Variants in TSPEAR observed in about 807,000 individuals in gnomAD.
The protein encoded by TSPEAR is thrombospondin type laminin G domain and EAR repeats, also known as thrombospondin-type laminin G domain and EAR repeat-containing protein.
A neutral mutation model predicts 71.6 loss-of-function variants in TSPEAR; 69 were observed. The ratio of observed to expected loss-of-function variants is 0.96; its 90% CI spans 0.79 to 1.18. TSPEAR has a LOEUF of 1.18. Ranked by LOEUF, TSPEAR falls within the 50% of genes most tolerant of loss-of-function variation. The pLI is 0.00. For synonymous variants in TSPEAR, 402 were observed against 387.2 expected, an observed-to-expected ratio of 1.04 and a Z score of -0.45; for missense variants, 971 against 894.9, an observed-to-expected ratio of 1.09 and a Z score of -1.09.
chr21:44,606,181 AAAC>A (rs1981299837), intron 1 of TSPEAR, among the ~76,000 whole-genome samples: 1 of 150,034 alleles, frequency 6.7e-6, no homozygotes. Context: ...AAAAAAAAAA[AAAC>A]TACATAAATA....
intron 1 of TSPEAR, among the ~76,000 whole-genome samples, chr21:44,679,896 T>C (rs1986498194): frequency 6.6e-6 from 1 of 152,276 alleles, no homozygotes; most frequent in South Asian, 2.1e-4. Context: ...TCAAGATGTA[T>C]CAAAGCCTTA....
chr21:44,576,301 G>A (rs1978440482), intron 1 of TSPEAR, among the ~76,000 whole-genome samples: 5 of 146,652 alleles, frequency 3.4e-5, no homozygotes, highest in Admixed American at 3.4e-4. Flanking sequence ...GGATGTCCCA[G>A]GGTGGGTGAG....
rs1982588238 is a variant in TSPEAR, at chr21:44,623,617, A to G, written c.83-55612T>C. 6.6e-6 allele frequency among the ~76,000 whole-genome samples: 1 copy of G among 152,138 alleles called. No individual in the cohort carries two copies. The highest frequency in any genetic ancestry group is 2.1e-4 in the South Asian group (1 of 4,824). ...TTCTGTAGTGCAGATCCTACTGGTG[A>G]CACAACCTCTCAGCATCCAGAGAAC... On this transcript the variant is annotated intron_variant, in intron 1 of 11. Coordinates refer to ENST00000323084, the MANE Select transcript of TSPEAR (RefSeq NM_144991.3). The surrounding 1 kb of genome is among the most constrained non-coding windows in gnomAD (Gnocchi z 4.5).
intron 2 of TSPEAR, among the ~76,000 whole-genome samples, chr21:44,555,718 G>A (rs2053517144): frequency 6.6e-6 from 1 of 152,022 alleles, no homozygotes; most frequent in Non-Finnish European, 1.5e-5. Flanking sequence ...ACACAGTCAT[G>A]GGGCTCAGGG....
intron 1 of TSPEAR, among the ~76,000 whole-genome samples, chr21:44,588,536 G>A (rs233289): frequency 0.91 from 138,324 of 151,866 alleles, 63,079 homozygotes; most frequent in Non-Finnish European, 0.93. Context: ...GTATCTACCC[G>A]GAGGAAAAGA....
Position 44,502,878 on chromosome 21 carries a change from G to T in TSPEAR, c.1856+1902C>A, listed in dbSNP as rs112380963. Among the ~76,000 whole-genome samples the T allele has an allele frequency of 5.1e-4, 76 of 149,698 alleles. 1 individual carries two copies. The highest frequency in any genetic ancestry group is 1.7e-3 in the African/African-American group (70 of 40,540). ...GGGGGAAGCAAGGCTCTGGGAGGAG[G>T]CCGGCCTCGGTGAGCCCTCGGGGAA... On this transcript the variant is annotated intron_variant, in intron 11 of 11. Transcript: ENST00000323084.
intron 1 of TSPEAR, among the ~76,000 whole-genome samples, chr21:44,682,527 A>G (rs1555948261): frequency 1.3e-5 from 2 of 152,220 alleles, no homozygotes; most frequent in Admixed American, 6.5e-5. Flanking sequence ...ACTTTGGGGA[A>G]GAGACCAGAA....
intron 5 of TSPEAR, 128 bp downstream of exon 5, chr21:44,529,670 C>A: frequency 9.3e-7 from 1 of 1,076,404 alleles, no homozygotes. Flanking sequence ...CCGCTGCCCC[C>A]CGTAGCAGTG....
chr21:44,595,920 T>C (rs1555927563), intron 1 of TSPEAR, among the ~76,000 whole-genome samples: 3 of 152,230 alleles, frequency 2.0e-5, no homozygotes, highest in African/African-American at 7.2e-5. Flanking sequence ...GAATTCCATG[T>C]GGTCTGTGTG....
intron 1 of TSPEAR, among the ~76,000 whole-genome samples, chr21:44,689,740 T>TATATATATATATATATATATATATATA (rs1555949490): frequency 1.1e-3 from 134 of 125,040 alleles, no homozygotes; most frequent in Middle Eastern, 4.0e-3. Context: ...TATATATATA[T>TATATATATATATATATATATATATATA]TTTGGGGGGG....
At chr21:44,669,295 T>C (rs1370854723) in intron 1 of TSPEAR, among the ~76,000 whole-genome samples, 1 of 152,124 alleles carries the variant, frequency 6.6e-6, no homozygotes, top group Admixed American at 6.5e-5. Context: ...TGGTGGCACG[T>C]GCCTGTAGTC....
intron 1 of TSPEAR, among the ~76,000 whole-genome samples, chr21:44,589,880 G>A (rs1191497409): frequency 6.6e-6 from 1 of 152,250 alleles, no homozygotes; most frequent in Non-Finnish European, 1.5e-5. Context: ...GGATGGTCCT[G>A]GAGCCCTAGG....
intron 1 of TSPEAR, chr21:44,702,326 C>G: frequency 1.2e-6 from 2 of 1,609,912 alleles, no homozygotes; most frequent in African/African-American, 1.3e-5. Flanking sequence ...CCCTGCCTGA[C>G]CCTGGTCTGC....
intron 1 of TSPEAR, chr21:44,580,641 G>A: frequency 6.6e-7 from 1 of 1,514,832 alleles, no homozygotes; most frequent in Non-Finnish European, 9.0e-7. Flanking sequence ...GTGTGTGAGT[G>A]AGTGAAGGAG....
intron 1 of TSPEAR, among the ~76,000 whole-genome samples, chr21:44,685,594 G>C (rs149872493): frequency 1.3e-5 from 2 of 152,110 alleles, no homozygotes; most frequent in African/African-American, 4.8e-5. Context: ...GCACTTCTGA[G>C]GTGTGGTGTC....
intron 1 of TSPEAR, among the ~76,000 whole-genome samples, chr21:44,672,450 G>T (rs1986103171): frequency 6.6e-6 from 1 of 152,128 alleles, no homozygotes; most frequent in African/African-American, 2.4e-5. Flanking sequence ...GGTGCCTGTA[G>T]TCCCAGCTAC....
At chr21:44,691,173 A>G (rs1399666536) in intron 1 of TSPEAR, among the ~76,000 whole-genome samples, 1 of 151,944 alleles carries the variant, frequency 6.6e-6, no homozygotes, top group Non-Finnish European at 1.5e-5. Flanking sequence ...GTCTCCTAAG[A>G]ACATGATTTT....
intron 1 of TSPEAR, among the ~76,000 whole-genome samples, chr21:44,668,925 A>T (rs1302952421): frequency 1.1e-4 from 17 of 152,330 alleles, no homozygotes; most frequent in African/African-American, 4.1e-4. Flanking sequence ...GGAAATTGAA[A>T]CTATTTTTTA....
intron 1 of TSPEAR, chr21:44,627,497 G>C (rs781810515): frequency 1.3e-6 from 2 of 1,538,938 alleles, no homozygotes; most frequent in Non-Finnish European, 1.8e-6. Flanking sequence ...AAGCCTGTGT[G>C]CTGCGTGCCC....
Sources: gnomAD v4.1 joint callset for allele counts (sites outside exome capture counted in the v4.1 genomes callset) on GRCh38, gnomAD v4.1.1 for gene constraint, Gnocchi (gnomAD v3.1) non-coding constraint, MANE v1.5 for transcripts, NCBI Gene and HGNC (gene_info 2026-07-23, HGNC 2026-07-21) for gene names.